TWSG1: variants seen among roughly 807,000 people sequenced by gnomAD.
TWSG1 encodes twisted gastrulation BMP signaling modulator 1, also known as twisted gastrulation protein homolog 1.
Under a neutral mutation model 23.0 loss-of-function variants are expected in TWSG1, and 15 were observed. The observed-to-expected ratio is 0.65, with a 90% CI of 0.44 to 1.00. TWSG1 has a LOEUF of 1.00. Among genes scored for constraint, TWSG1 ranks in the 50% least tolerant of loss-of-function variants. The pLI, the probability that TWSG1 is intolerant of heterozygous loss-of-function variation, is 0.00. For missense variants in TWSG1, 242 were observed against 278.7 expected (o/e 0.87, Z 0.94); for synonymous variants, 86 against 92.8 (o/e 0.93, Z 0.42).
At chr18:9,347,501 T>G (rs1220022089) in intron 2 of TWSG1, among the ~76,000 whole-genome samples, 1 of 152,220 alleles carries the variant, frequency 6.6e-6, no homozygotes, top group Non-Finnish European at 1.5e-5. Flanking sequence ...TATTTGGATT[T>G]TCTTTCATTT....
In TWSG1 at chr18:9,400,420, G is replaced by T; in HGVS notation, c.*893G>T. 6.6e-6 allele frequency: 1 copy of T among 152,188 alleles called. No individual in the cohort carries two copies. Among genetic ancestry groups the T allele is most frequent in the Non-Finnish European group, 1.5e-5 (1 of 68,056 alleles). The allele number at this position is 152,188 out of a possible 1,614,324, so 9.4% of individuals were successfully genotyped here. On this transcript the variant is annotated 3_prime_UTR_variant, in exon 5 of 5. Coordinates refer to ENST00000262120, the MANE Select transcript of TWSG1 (RefSeq NM_020648.6). ...CAGCTTGTACCCTGGTAGGGAAATG[G>T]TGTTGCTGAAAGGGGAGGCTGAGCC...
intron 3 of TWSG1, among the ~76,000 whole-genome samples, chr18:9,376,832 CA>C (rs59781624): frequency 0.12 from 12,026 of 100,750 alleles, 533 homozygotes; most frequent in African/African-American, 0.13. Flanking sequence ...ACCCTGTCTC[CA>C]AAAAAAAAAA....
intron 2 of TWSG1, among the ~76,000 whole-genome samples, chr18:9,353,577 G>T (rs562604867): frequency 6.6e-6 from 1 of 152,124 alleles, no homozygotes; most frequent in South Asian, 2.1e-4. Context: ...ATTGAACAAC[G>T]TGTCTACCAA....
intron 3 of TWSG1, among the ~76,000 whole-genome samples, chr18:9,392,006 G>T (rs1430239203): frequency 1.3e-5 from 2 of 152,194 alleles, no homozygotes; most frequent in Non-Finnish European, 2.9e-5. Flanking sequence ...AGGCTTTGTT[G>T]TTCCATTTCT....
intron 3 of TWSG1, among the ~76,000 whole-genome samples, chr18:9,377,415 C>T (rs929197473): frequency 1.3e-5 from 2 of 151,110 alleles, no homozygotes; most frequent in Admixed American, 1.3e-4. Context: ...GACGGGGTTT[C>T]ACCATGTTGG....
chr18:9,374,930 G>T (rs2040621991), intron 3 of TWSG1, among the ~76,000 whole-genome samples: 1 of 152,126 alleles, frequency 6.6e-6, no homozygotes, highest in South Asian at 2.1e-4. Flanking sequence ...CACTTTGGGA[G>T]GCCAAGGCGG....
At chr18:9,344,679 C>T (rs1191820239) in intron 2 of TWSG1, among the ~76,000 whole-genome samples, 4 of 151,784 alleles carry the variant, frequency 2.6e-5, no homozygotes, top group Non-Finnish European at 5.9e-5. Context: ...TAGGCATGCA[C>T]CACCATGTCT....
intron 3 of TWSG1, among the ~76,000 whole-genome samples, chr18:9,369,393 C>T (rs1444241815): frequency 6.6e-6 from 1 of 151,940 alleles, no homozygotes; most frequent in African/African-American, 2.4e-5. Context: ...CTCAGCCTCC[C>T]AAGTAGTTGG....
chr18:9,361,850 A>C (rs375194883), intron 3 of TWSG1, among the ~76,000 whole-genome samples: 10 of 152,302 alleles, frequency 6.6e-5, no homozygotes, highest in Admixed American at 3.3e-4. Flanking sequence ...AGGGACCTGA[A>C]GGTATAACTA....
intron 1 of TWSG1, 73 bp from the exon 2 acceptor site, chr18:9,337,120 T>C (rs1266849387): frequency 7.6e-7 from 1 of 1,312,364 alleles, no homozygotes; most frequent in African/African-American, 1.5e-5. Flanking sequence ...TAGTTTATGT[T>C]TTGTTTCTCA....
chr18:9,350,079 G>C (rs1358910364), intron 2 of TWSG1, among the ~76,000 whole-genome samples: 2 of 152,086 alleles, frequency 1.3e-5, no homozygotes, highest in Non-Finnish European at 2.9e-5. Context: ...GGTGGAGGTT[G>C]CAGTGAGCCG....
chr18:9,364,699 C>T (rs1276503240), intron 3 of TWSG1, among the ~76,000 whole-genome samples: 1 of 151,876 alleles, frequency 6.6e-6, no homozygotes, highest in Non-Finnish European at 1.5e-5. Context: ...GAGGCTGAGG[C>T]AGGAGAGTCA....
intron 2 of TWSG1, among the ~76,000 whole-genome samples, chr18:9,346,832 T>G (rs952954029): frequency 6.6e-6 from 1 of 152,224 alleles, no homozygotes; most frequent in Non-Finnish European, 1.5e-5. Flanking sequence ...TTTCACTTCA[T>G]TTGGCTAAAT....
At position 9,376,779 on chromosome 18, in the gene TWSG1, C is replaced by A. The variant is rs536820246; in HGVS notation, c.223+16708C>A. The stretch of plus-strand genomic sequence containing the variant: ...CCTAAGAGGTGGAGGTTGCAGTGAG[C>A]TGAGATTGTGCCACTGCATTCCAGT... On this transcript the variant is annotated intron_variant, in intron 3 of 4. Coordinates refer to ENST00000262120, the MANE Select transcript of TWSG1 (RefSeq NM_020648.6). Among the ~76,000 whole-genome samples, 120 of 147,942 alleles carry A rather than the reference C, an allele frequency of 8.1e-4. 1 individual carries two copies. The highest frequency in any genetic ancestry group is 2.5e-3 in the African/African-American group (98 of 39,940).
intron 3 of TWSG1, among the ~76,000 whole-genome samples, chr18:9,389,174 C>T (rs915016756): frequency 1.3e-5 from 2 of 151,864 alleles, no homozygotes; most frequent in Non-Finnish European, 2.9e-5. Context: ...CAGGGTTTCT[C>T]CATGTTGGTC....
At chr18:9,396,147 CAAA>C (rs58754446) in intron 3 of TWSG1, 130 bp from the exon 4 acceptor site, 45,035 of 455,244 alleles carry the variant, frequency 0.099, 2 homozygotes, top group Middle Eastern at 0.12. Context: ...GCTCACCCAG[CAAA>C]AAAAAAAAAA....
rs565920442 is a variant in TWSG1 at position 9,354,956 on chromosome 18, A to G, written c.124-5016A>G. ...TTATAAGTGAAACAGCTAGGGGTAA[A>G]GTTTTCTTTTTTTTTTTGAGACAGA... On this transcript the variant is annotated intron_variant, in intron 2 of 4. Coordinates refer to ENST00000262120, the MANE Select transcript of TWSG1 (RefSeq NM_020648.6). Among the ~76,000 whole-genome samples the G allele has an allele frequency of 2.0e-3, 302 of 151,676 alleles. No individual in the cohort carries two copies. The Middle Eastern group carries it at 0.037, about 19-fold the overall frequency.
At chr18:9,396,735 G>GA (rs11377337) in intron 4 of TWSG1, 189 bp downstream of exon 4, 605,644 of 611,026 alleles carry the variant, frequency 0.99, 300,212 homozygotes, top group East Asian at 1. Flanking sequence ...AAGGATAAGA[G>GA]AAAAAAAATA....
intron 2 of TWSG1, among the ~76,000 whole-genome samples, chr18:9,348,719 A>T (rs1270571363): frequency 6.6e-6 from 1 of 152,242 alleles, no homozygotes; most frequent in Admixed American, 6.5e-5. Flanking sequence ...GAAGATAAGT[A>T]CTTTAAGAAA....
Sources: gnomAD v4.1 joint callset for allele counts (sites outside exome capture counted in the v4.1 genomes callset) on GRCh38, gnomAD v4.1.1 for gene constraint, MANE v1.5 for transcripts, NCBI Gene and HGNC (gene_info 2026-07-23, HGNC 2026-07-21) for gene names.